Variants in CCDC93 observed in about 807,000 individuals in gnomAD.
CCDC93 encodes coiled-coil domain-containing protein 93.
CCDC93 carries 61 observed loss-of-function variants against 108.2 expected under a neutral mutation model. The observed-to-expected ratio is 0.56, with a 90% CI of 0.46 to 0.70. The LOEUF (loss-of-function observed/expected upper bound fraction) is 0.70. Among genes scored for constraint, CCDC93 ranks in the 30% least tolerant of loss-of-function variants. CCDC93 has a pLI of 0.00. For missense variants in CCDC93, 685 were observed against 764.2 expected, an observed-to-expected ratio of 0.90 and a Z score of 1.22; for synonymous variants, 276 against 260.4, an observed-to-expected ratio of 1.06 and a Z score of -0.58.
At chr2:117,931,257 C>T (rs1678317743) in intron 22 of CCDC93, 107 bp from the exon 23 acceptor site, 8 of 717,488 alleles carry the variant, frequency 1.1e-5, no homozygotes, top group Non-Finnish European at 1.9e-5. Flanking sequence ...GATTTCCTTA[C>T]AGTAGAGGAA....
intron 3 of CCDC93, among the ~76,000 whole-genome samples, chr2:118,004,686 T>C (rs1159586925): frequency 6.6e-6 from 1 of 152,156 alleles, no homozygotes; most frequent in Non-Finnish European, 1.5e-5. Flanking sequence ...CTACAGATAA[T>C]AAAGAATGAG....
chr2:117,951,958 T>C (rs552354033), intron 13 of CCDC93, among the ~76,000 whole-genome samples: 2 of 152,168 alleles, frequency 1.3e-5, no homozygotes, highest in East Asian at 3.9e-4. Context: ...TCTGAGGTTC[T>C]CTCATCTTTC....
intron 3 of CCDC93, among the ~76,000 whole-genome samples, chr2:118,001,983 C>G (rs1676709672): frequency 6.6e-6 from 1 of 152,090 alleles, no homozygotes; most frequent in Non-Finnish European, 1.5e-5. Flanking sequence ...GAAGCAGTCA[C>G]CAGGCATGGC....
At chr2:117,936,603 A>G in intron 21 of CCDC93, 99 bp downstream of exon 21, 1 of 942,482 alleles carries the variant, frequency 1.1e-6, no homozygotes, top group Non-Finnish European at 1.8e-6. Context: ...TAAGTCTTGC[A>G]TGTACCTTTG....
Position 117,916,335 on chromosome 2 carries a change from A to AT in CCDC93, c.*4007dup, listed in dbSNP as rs1315537697. ...CCCTCTCTTTTTCCCTTCTTAGGGA[A>AT]TAAAAAAAAAAATCTGTAAAAGGCA... is the stretch of plus-strand genomic sequence containing the variant. On this transcript the variant is annotated 3_prime_UTR_variant, in exon 24 of 24. Coordinates refer to ENST00000376300, the MANE Select transcript of CCDC93 (RefSeq NM_019044.5). 9.9e-6 allele frequency: 1 copy of AT among 100,708 alleles called. No homozygotes were observed. The highest frequency in any genetic ancestry group is 3.7e-5 in the African/African-American group (1 of 26,826). 6.2% of individuals were successfully genotyped at this position (100,708 alleles called of 1,614,324 possible). A position where few individuals can be genotyped will look rare whatever the true frequency, so the allele number is the denominator to read the frequency against.
intron 23 of CCDC93, 21 bp downstream of exon 23, chr2:117,931,016 G>T: frequency 6.7e-7 from 1 of 1,486,126 alleles, no homozygotes; most frequent in Non-Finnish European, 9.3e-7. Flanking sequence ...GCCTTAATGT[G>T]CTACCCAGCC....
Position 117,935,697 on chromosome 2 carries a change from G to A in CCDC93, c.1644-118C>T. 3 of 667,866 alleles carry A rather than the reference G, an allele frequency of 4.5e-6. No individual in the cohort carries two copies. The Admixed American group carries it at 8.5e-5, about 19-fold the overall frequency. The allele number at this position is 667,866 out of a possible 1,614,324, so 41.4% of individuals were successfully genotyped here. A position where few individuals can be genotyped will look rare whatever the true frequency, so the allele number is the denominator to read the frequency against. On this transcript the variant is annotated intron_variant, in intron 21 of 23. Transcript: ENST00000376300. The stretch of plus-strand genomic sequence containing the variant: ...TCTTAGGAGAGGCAATCAGGTCTTT[G>A]TAACGCACAGTGGAGCCACGGGGGC...
chr2:117,958,420 C>G lies in CCDC93; in HGVS notation c.950G>C (p.Arg317Pro). Residue 317 changes from arginine (R) to proline (P), a missense_variant, in exon 12 of 24, where the codon CGG (arginine) becomes CCG (proline). Arg to Pro is a moderately radical substitution (Grantham distance 103). Coordinates refer to ENST00000376300, the MANE Select transcript of CCDC93 (RefSeq NM_019044.5). ...EKLGTSQLHR[R>P]KVISLNKQIA... The stretch of plus-strand genomic sequence containing the variant: ...CTGTTTGTTCAAGGAAATGACTTTC[C>G]GGCGATGTAGCTGGGAGGTTCCTAA... 1 of 1,613,722 alleles carries G rather than the reference C, an allele frequency of 6.2e-7. No homozygotes were observed. The highest frequency in any genetic ancestry group is 8.5e-7 in the Non-Finnish European group (1 of 1,179,706).
intron 15 of CCDC93, 174 bp downstream of exon 15, chr2:117,947,931 T>C: frequency 1.7e-6 from 1 of 592,396 alleles, no homozygotes; most frequent in Admixed American, 2.8e-5. Flanking sequence ...CCTGACCTCG[T>C]GATCCGCCTG....
At chr2:117,994,695 A>G (rs890778943) in intron 6 of CCDC93, among the ~76,000 whole-genome samples, 7 of 152,264 alleles carry the variant, frequency 4.6e-5, no homozygotes, top group Non-Finnish European at 7.3e-5. Context: ...AGTACATCTG[A>G]TATTTCATTT....
chr2:117,930,454 G>A (rs926171466), intron 23 of CCDC93, among the ~76,000 whole-genome samples: 5 of 152,192 alleles, frequency 3.3e-5, no homozygotes, highest in African/African-American at 4.8e-5. Context: ...AGGGAAAACC[G>A]AAATTCAGTT....
chr2:118,000,957 A>G (rs1680830740), intron 3 of CCDC93, 25 bp from the exon 4 acceptor site: 1 of 1,395,254 alleles, frequency 7.2e-7, no homozygotes, highest in Non-Finnish European at 1.0e-6. Context: ...TAACAAGCAA[A>G]GAGTGAGGCA....
At chr2:117,974,390 A>G (rs1382800537) in intron 10 of CCDC93, among the ~76,000 whole-genome samples, 1 of 152,124 alleles carries the variant, frequency 6.6e-6, no homozygotes. Flanking sequence ...ACTCTAAAAT[A>G]TCTCTTTACT....
At chr2:117,927,426 T>C (rs1678156305) in intron 23 of CCDC93, among the ~76,000 whole-genome samples, 1 of 152,192 alleles carries the variant, frequency 6.6e-6, no homozygotes, top group Admixed American at 6.5e-5. Context: ...AGTCTCAGGA[T>C]ACAAAATCAG....
intron 6 of CCDC93, among the ~76,000 whole-genome samples, chr2:117,994,816 G>A (rs1197955113): frequency 6.6e-6 from 1 of 152,162 alleles, no homozygotes; most frequent in East Asian, 1.9e-4. Context: ...TTATTTTCAG[G>A]AGAGAGAGAC....
chr2:117,996,213 G>T, intron 5 of CCDC93, 51 bp downstream of exon 5: 1 of 1,223,412 alleles, frequency 8.2e-7, no homozygotes, highest in Non-Finnish European at 1.2e-6. Context: ...AGTCTCTTAA[G>T]TGTGCACTCT....
chr2:117,934,108 C>T lies in CCDC93; in HGVS notation c.1728+1387G>A, dbSNP rs564782562. The stretch of plus-strand genomic sequence containing the variant: ...GCCCACTTCTTCCCCTGCTTTGGCT[C>T]ATAGTCAACAACAGGAATTCATGGA... On this transcript the variant is annotated intron_variant, in intron 22 of 23. Coordinates refer to ENST00000376300, the MANE Select transcript of CCDC93 (RefSeq NM_019044.5). 3.5e-4 allele frequency: 53 copies of T among 152,352 alleles called. 1 individual carries two copies. The highest frequency in any genetic ancestry group is 6.9e-4 in the Non-Finnish European group (47 of 68,064). The allele number at this position is 152,352 out of a possible 1,614,324, so 9.4% of individuals were successfully genotyped here.
chr2:117,990,370 G>A (rs2104806672), intron 6 of CCDC93, among the ~76,000 whole-genome samples: 1 of 152,328 alleles, frequency 6.6e-6, no homozygotes, highest in South Asian at 2.1e-4. Flanking sequence ...AGAAAGTAAT[G>A]CACTTCAAAG....
At chr2:117,972,917 T>G (rs1414961384) in intron 11 of CCDC93, among the ~76,000 whole-genome samples, 1 of 152,096 alleles carries the variant, frequency 6.6e-6, no homozygotes, top group African/African-American at 2.4e-5. Flanking sequence ...TAAGAAACAC[T>G]TACTTGGGGG....
Sources: gnomAD v4.1 joint callset for allele counts (sites outside exome capture counted in the v4.1 genomes callset) on GRCh38, gnomAD v4.1.1 for gene constraint, MANE v1.5 for transcripts, NCBI Gene and HGNC (gene_info 2026-07-23, HGNC 2026-07-21) for gene names.